The following ATP8B4 variants were observed in gnomAD, a reference collection of about 807,000 sequenced individuals.
ATP8B4 encodes probable phospholipid-transporting ATPase IM.
ATP8B4 carries 133 observed loss-of-function variants against 145.6 expected under a neutral mutation model. That is an observed-to-expected ratio of 0.91 (90% CI 0.79 to 1.05). The LOEUF (loss-of-function observed/expected upper bound fraction) is 1.05. Ranked by LOEUF, ATP8B4 falls within the 50% of genes least tolerant of loss-of-function variation. ATP8B4 has a pLI of 0.00. For missense variants in ATP8B4, 1,458 were observed against 1,425.2 expected, an observed-to-expected ratio of 1.02 and a Z score of -0.37; for synonymous variants, 507 against 492.9, an observed-to-expected ratio of 1.03 and a Z score of -0.38.
intron 14 of ATP8B4, among the ~76,000 whole-genome samples, chr15:49,950,620 A>T (rs1424334047): frequency 2.1e-5 from 2 of 93,348 alleles, no homozygotes; most frequent in African/African-American, 1.2e-4. Flanking sequence ...ACAAACAAAC[A>T]AAAAAAACAA....
intron 13 of ATP8B4, among the ~76,000 whole-genome samples, chr15:49,969,525 A>G (rs1450812334): frequency 6.6e-6 from 1 of 152,222 alleles, no homozygotes; most frequent in Admixed American, 6.5e-5. Flanking sequence ...AAAATCTAGA[A>G]GAAATGGATA....
intron 23 of ATP8B4, among the ~76,000 whole-genome samples, chr15:49,882,993 G>A (rs532126685): frequency 9.8e-5 from 15 of 152,296 alleles, no homozygotes; most frequent in African/African-American, 3.4e-4. Context: ...AGATTTCAGA[G>A]AGTAGGAAGA....
intron 6 of ATP8B4, among the ~76,000 whole-genome samples, chr15:50,021,681 C>T (rs2049584409): frequency 6.6e-6 from 1 of 152,158 alleles, no homozygotes; most frequent in Admixed American, 6.6e-5. Context: ...CTTTGTTGTA[C>T]TTACAACTAC....
rs1315845886 is a variant in ATP8B4 at position 49,999,400 on chromosome 15, C to T, written c.507-2641G>A. Among the ~76,000 whole-genome samples, 29 of 73,548 alleles carry T rather than the reference C, an allele frequency of 3.9e-4. 1 individual carries two copies. The highest frequency in any genetic ancestry group is 1.4e-3 in the African/African-American group (24 of 17,560). The allele number at this position is 73,548 out of a possible 152,430, so 48.3% of individuals were successfully genotyped here. A position where few individuals can be genotyped will look rare whatever the true frequency, so the allele number is the denominator to read the frequency against. ...GGACTGTTGTGGGGTGGGGGGAGGG[C>T]GGAGGGATAGCTTTAGGAGATATAC... is the stretch of plus-strand genomic sequence containing the variant. On this transcript the variant is annotated intron_variant, in intron 8 of 27. Transcript: ENST00000284509.
intron 16 of ATP8B4, 40 bp from the exon 17 acceptor site, chr15:49,923,534 C>T (rs765073640): frequency 3.5e-5 from 47 of 1,350,196 alleles, no homozygotes; most frequent in African/African-American, 2.1e-4. Context: ...ATATAATCAA[C>T]GTCATACATC....
intron 1 of ATP8B4, among the ~76,000 whole-genome samples, chr15:50,164,683 T>G (rs2044569930): frequency 6.6e-6 from 1 of 152,216 alleles, no homozygotes; most frequent in African/African-American, 2.4e-5. Context: ...GTCCAGGAAT[T>G]GCAGTCCCTG....
At chr15:50,004,270 T>A (rs1426737615) in intron 7 of ATP8B4, among the ~76,000 whole-genome samples, 1 of 152,104 alleles carries the variant, frequency 6.6e-6, no homozygotes, top group Non-Finnish European at 1.5e-5. Context: ...GGATAAGCGG[T>A]CAATGCGCTC....
intron 6 of ATP8B4, among the ~76,000 whole-genome samples, chr15:50,014,044 T>G (rs1015918943): frequency 5.9e-5 from 9 of 152,190 alleles, no homozygotes; most frequent in African/African-American, 2.2e-4. Context: ...TTGCTAAAGC[T>G]TGAGAAACAA....
At chr15:50,138,420 TAGAG>T (rs1267050838) in intron 1 of ATP8B4, among the ~76,000 whole-genome samples, 6 of 128,316 alleles carry the variant, frequency 4.7e-5, no homozygotes, top group African/African-American at 1.1e-4. Context: ...GATAGATAGA[TAGAG>T]AGATAGACAG....
At chr15:50,108,461 C>G (rs1252187589) in intron 1 of ATP8B4, among the ~76,000 whole-genome samples, 2 of 152,136 alleles carry the variant, frequency 1.3e-5, no homozygotes, top group Non-Finnish European at 2.9e-5. Flanking sequence ...GCGACTTGAT[C>G]CCTGCTCATC....
chr15:49,863,389 TGTGGGTTTAAAC>T (rs1345494338), intron 26 of ATP8B4, among the ~76,000 whole-genome samples: 2 of 152,134 alleles, frequency 1.3e-5, no homozygotes, highest in African/African-American at 4.8e-5. Context: ...CATACCCCAT[TGTGGGTTTAAAC>T]AAGGCAATAC....
At chr15:50,040,688 G>A (rs2051209981) in intron 5 of ATP8B4, among the ~76,000 whole-genome samples, 1 of 152,208 alleles carries the variant, frequency 6.6e-6, no homozygotes, top group Non-Finnish European at 1.5e-5. Context: ...CACTCTCGGG[G>A]AGATGCAATC....
intron 6 of ATP8B4, among the ~76,000 whole-genome samples, chr15:50,018,118 G>T (rs1295315555): frequency 6.6e-6 from 1 of 151,682 alleles, no homozygotes; most frequent in Admixed American, 6.6e-5. Flanking sequence ...AGCCTGAGTA[G>T]CTGGGATTAC....
intron 6 of ATP8B4, among the ~76,000 whole-genome samples, chr15:50,015,096 T>A (rs1295989923): frequency 6.6e-6 from 1 of 152,238 alleles, no homozygotes; most frequent in Non-Finnish European, 1.5e-5. Context: ...AAGGTAGGTC[T>A]ATATGTGCTA....
At chr15:49,878,563 C>T (rs146777618) in intron 24 of ATP8B4, among the ~76,000 whole-genome samples, 1 of 152,198 alleles carries the variant, frequency 6.6e-6, no homozygotes. Flanking sequence ...ATAAGACACT[C>T]TAATTGTGCC....
At position 49,866,234 on chromosome 15, in the gene ATP8B4, C is replaced by T. The variant is rs539576317; in HGVS notation, c.3166+112G>A. On this transcript the variant is annotated intron_variant, in intron 26 of 27. Coordinates refer to ENST00000284509, the MANE Select transcript of ATP8B4 (RefSeq NM_024837.4). The stretch of plus-strand genomic sequence containing the variant: ...TTCAGATGCCTGGCTCAAACAATTT[C>T]TGGACAAAGGATCACTAATCATCCC... 20 of 1,418,456 alleles carry T rather than the reference C, an allele frequency of 1.4e-5. No individual in the cohort carries two copies. In the African/African-American group the frequency reaches 2.9e-4, roughly 21 times the overall value. The allele number at this position is 1,418,456 out of a possible 1,614,324, so 87.9% of individuals were successfully genotyped here. A position where few individuals can be genotyped will look rare whatever the true frequency, so the allele number is the denominator to read the frequency against.
At chr15:50,090,568 C>G (rs1284096919) in intron 2 of ATP8B4, among the ~76,000 whole-genome samples, 1 of 152,216 alleles carries the variant, frequency 6.6e-6, no homozygotes, top group South Asian at 2.1e-4. Context: ...GAAGCAAGCC[C>G]CACCAGATAC....
chr15:50,105,394 C>T (rs73400898), intron 2 of ATP8B4, among the ~76,000 whole-genome samples: 394 of 152,032 alleles, frequency 2.6e-3, no homozygotes, highest in African/African-American at 8.8e-3. Flanking sequence ...AGGGTTTCTG[C>T]GTGTTCATCA....
intron 2 of ATP8B4, among the ~76,000 whole-genome samples, chr15:50,085,958 T>TATATTTATATATCATATATATC (rs2054954878): frequency 6.8e-5 from 2 of 29,238 alleles, no homozygotes; most frequent in African/African-American, 7.1e-4. Context: ...ATATATCATA[T>TATATTTATATATCATATATATC]ATATTTATAT....
Sources: gnomAD v4.1 joint callset for allele counts (sites outside exome capture counted in the v4.1 genomes callset) on GRCh38, gnomAD v4.1.1 for gene constraint, MANE v1.5 for transcripts, NCBI Gene and HGNC (gene_info 2026-07-23, HGNC 2026-07-21) for gene names.